PPP1R12B: variants seen among roughly 807,000 people sequenced by gnomAD.
The protein encoded by PPP1R12B is protein phosphatase 1 regulatory subunit 12B, also known as myosin phosphatase target subunit 2.
PPP1R12B carries 76 observed loss-of-function variants against 126.1 expected under a neutral mutation model. The observed-to-expected ratio is 0.60, with a 90% confidence interval of 0.50 to 0.73. The LOEUF is 0.73. Ranked by LOEUF, PPP1R12B falls within the 30% of genes least tolerant of loss-of-function variation. The pLI is 0.00. For synonymous variants in PPP1R12B, 356 were observed against 434.7 expected (o/e 0.82, Z 2.25); for missense variants, 1,052 against 1,205.1 (o/e 0.87, Z 1.88).
rs564887561 is a variant in PPP1R12B at position 202,384,204 on chromosome 1, T to C, written c.292-32583T>C. Among the ~76,000 whole-genome samples the C allele has an allele frequency of 3.3e-5, 5 of 152,320 alleles. No homozygotes were observed. In the South Asian group the frequency reaches 1.0e-3, roughly 32 times the overall value. On this transcript the variant is annotated intron_variant, in intron 1 of 23. Coordinates refer to ENST00000608999, the MANE Select transcript of PPP1R12B (RefSeq NM_002481.4). ...CCCATGAGTTCTGCTCCCAGGTATA[T>C]ATTCAAAATAATTAAAAACATATGC...
chr1:202,514,512 T>G (rs1164048881), intron 18 of PPP1R12B, among the ~76,000 whole-genome samples: 1 of 152,218 alleles, frequency 6.6e-6, no homozygotes, highest in Non-Finnish European at 1.5e-5. Context: ...CATTTCTATG[T>G]CCAGGATGGT....
At chr1:202,359,615 A>C (rs1045105698) in intron 1 of PPP1R12B, among the ~76,000 whole-genome samples, 1 of 147,340 alleles carries the variant, frequency 6.8e-6, no homozygotes, top group Admixed American at 6.9e-5. Context: ...CCCTGTCTCC[A>C]CTAAAAATAC....
intron 1 of PPP1R12B, among the ~76,000 whole-genome samples, chr1:202,407,823 C>G (rs1666826200): frequency 6.6e-6 from 1 of 152,032 alleles, no homozygotes; most frequent in Non-Finnish European, 1.5e-5. Context: ...TTTATTTGTA[C>G]TACTGGCTCT....
At chr1:202,426,561 T>C (rs1317862355) in intron 4 of PPP1R12B, among the ~76,000 whole-genome samples, 1 of 152,252 alleles carries the variant, frequency 6.6e-6, no homozygotes, top group Non-Finnish European at 1.5e-5. Context: ...GAAAATACCC[T>C]GAAGAGAATT....
In PPP1R12B at chr1:202,590,607, T is replaced by A. The variant is rs1314776267; in HGVS notation, c.*10047T>A. The A allele has an allele frequency of 6.7e-6, 1 of 148,628 alleles. No individual in the cohort carries two copies. The highest frequency in any genetic ancestry group is 1.5e-5 in the Non-Finnish European group (1 of 67,480). The allele number at this position is 148,628 out of a possible 1,614,324, so 9.2% of individuals were successfully genotyped here. ...CCCCCACCCCCAGGTTTCTTTCAGC[T>A]CATTTCTTTAATAAGGAGACGCAGT... On this transcript the variant is annotated 3_prime_UTR_variant, in exon 24 of 24. Coordinates refer to ENST00000608999, the MANE Select transcript of PPP1R12B (RefSeq NM_002481.4).
intron 12 of PPP1R12B, chr1:202,448,310 C>T (rs1305954457): frequency 4.6e-5 from 7 of 152,172 alleles, no homozygotes; most frequent in Admixed American, 4.6e-4. Context: ...AATTATACAG[C>T]TTGCTGTTGA....
At chr1:202,414,312 A>G (rs1448319725) in intron 1 of PPP1R12B, among the ~76,000 whole-genome samples, 1 of 152,258 alleles carries the variant, frequency 6.6e-6, no homozygotes, top group African/African-American at 2.4e-5. Context: ...AAACCATGTC[A>G]ATGGACTTTT....
At chr1:202,476,866 G>A (rs10920411) in intron 13 of PPP1R12B, among the ~76,000 whole-genome samples, 65,317 of 150,942 alleles carry the variant, frequency 0.43, 15,477 homozygotes, top group East Asian at 0.7. Context: ...ATTGGATTCC[G>A]GACAAAATTT....
chr1:202,592,605 T>C lies in PPP1R12B; in HGVS notation c.*12045T>C, dbSNP rs1262747219. 1 of 152,218 alleles carries C rather than the reference T, an allele frequency of 6.6e-6. No individual in the cohort carries two copies. Among genetic ancestry groups the C allele is most frequent in the Admixed American group, 6.5e-5 (1 of 15,286 alleles). The allele number at this position is 152,218 out of a possible 1,614,324, so 9.4% of individuals were successfully genotyped here. A position where few individuals can be genotyped will look rare whatever the true frequency, so the allele number is the denominator to read the frequency against. On this transcript the variant is annotated 3_prime_UTR_variant, in exon 24 of 24. Coordinates refer to ENST00000608999, the MANE Select transcript of PPP1R12B (RefSeq NM_002481.4). ...GGTAATTATCTTCTTTTATATATAA[T>C]TAAATATACACGGATGGGGGCAGAT...
At chr1:202,503,782 CTT>C (rs748107838) in intron 18 of PPP1R12B, among the ~76,000 whole-genome samples, 2 of 143,986 alleles carry the variant, frequency 1.4e-5, no homozygotes. Flanking sequence ...CTTATTTTAC[CTT>C]TTTTTTTTTT....
intron 13 of PPP1R12B, among the ~76,000 whole-genome samples, chr1:202,477,378 A>G (rs1473793102): frequency 2.6e-5 from 4 of 152,188 alleles, no homozygotes; most frequent in South Asian, 4.1e-4. Context: ...TTTATCCACA[A>G]TCACCTACCA....
At chr1:202,469,930 G>A (rs1675604501) in intron 13 of PPP1R12B, among the ~76,000 whole-genome samples, 1 of 152,142 alleles carries the variant, frequency 6.6e-6, no homozygotes, top group African/African-American at 2.4e-5. Flanking sequence ...CTTTTTTAGG[G>A]GTAGGAGATT....
intron 13 of PPP1R12B, among the ~76,000 whole-genome samples, chr1:202,477,405 A>G (rs912297683): frequency 6.6e-6 from 1 of 152,344 alleles, no homozygotes; most frequent in Middle Eastern, 3.4e-3. Flanking sequence ...CTGAGAAGCC[A>G]TGGTACAAAC....
intron 1 of PPP1R12B, among the ~76,000 whole-genome samples, chr1:202,377,834 T>TG (rs1259652218): frequency 0.032 from 1,312 of 41,418 alleles, 44 homozygotes; most frequent in African/African-American, 0.066. Flanking sequence ...AGACAGGTGT[T>TG]TTTTTTTTTT....
intron 2 of PPP1R12B, among the ~76,000 whole-genome samples, chr1:202,422,200 A>G (rs1439566491): frequency 6.6e-6 from 1 of 152,206 alleles, no homozygotes; most frequent in African/African-American, 2.4e-5. Flanking sequence ...GGAGAGTTTT[A>G]TGGAGGCATA....
chr1:202,543,235 A>G (rs1313730672), intron 18 of PPP1R12B, among the ~76,000 whole-genome samples: 2 of 152,100 alleles, frequency 1.3e-5, no homozygotes, highest in Non-Finnish European at 2.9e-5. Context: ...AGTGACTAGA[A>G]AACAAACTTT....
chr1:202,405,728 A>T (rs536514719), intron 1 of PPP1R12B, among the ~76,000 whole-genome samples: 31 of 152,316 alleles, frequency 2.0e-4, no homozygotes, highest in Non-Finnish European at 3.7e-4. Flanking sequence ...TGAACTCAGG[A>T]AGTCTTATTT....
At chr1:202,548,832 A>G (rs1246804907) in intron 18 of PPP1R12B, among the ~76,000 whole-genome samples, 1 of 130,342 alleles carries the variant, frequency 7.7e-6, no homozygotes, top group African/African-American at 2.7e-5. Context: ...ATATATATAT[A>G]TATAATTTTA....
chr1:202,484,776 G>T (rs192205263), intron 13 of PPP1R12B, among the ~76,000 whole-genome samples: 51 of 152,158 alleles, frequency 3.4e-4, no homozygotes, highest in Admixed American at 2.0e-4. Context: ...TGGCTGACAG[G>T]TTCATTTTTT....
Sources: allele counts gnomAD v4.1 joint callset (sites outside exome capture counted in the v4.1 genomes callset), GRCh38; gene constraint gnomAD v4.1.1; transcripts MANE v1.5; gene names NCBI Gene and HGNC (gene_info 2026-07-23, HGNC 2026-07-21).